TRIB3: variants seen among roughly 807,000 people sequenced by gnomAD.
TRIB3 encodes tribbles homolog 3.
TRIB3 carries 20 observed loss-of-function variants against 16.6 expected under a neutral mutation model. That is an observed-to-expected ratio of 1.20 (90% CI 0.85 to 1.75). The LOEUF is 1.75. TRIB3 is among the 40% of genes most tolerant of loss of function. The pLI is 0.00. For synonymous variants in TRIB3, 208 were observed against 217.0 expected (o/e 0.96, Z 0.36); for missense variants, 484 against 488.9 (o/e 0.99, Z 0.10).
chr20:391,005 A>G (rs75531044), intron 2 of TRIB3, among the ~76,000 whole-genome samples: 3 of 148,874 alleles, frequency 2.0e-5, no homozygotes, highest in Non-Finnish European at 3.0e-5. Context: ...CCGTCTCAAA[A>G]AAAAAAAAAA....
rs2014821287 is a variant in TRIB3 at position 386,716 on chromosome 20, GCC to G, written c.1-1293_1-1292del. 3.3e-5 allele frequency among the ~76,000 whole-genome samples: 5 copies of G among 152,232 alleles called. No individual in the cohort carries two copies. In the South Asian group the frequency reaches 1.0e-3, roughly 32 times the overall value. The stretch of plus-strand genomic sequence containing the variant: ...GCCTCCCAAGTAGCTGGGATTACAG[GCC>G]CACGCCACCACGCCTGGCTAATTTT... On this transcript the variant is annotated intron_variant, in intron 1 of 3. Transcript: ENST00000217233.
chr20:395,965 T>C (rs1197462403), intron 3 of TRIB3, among the ~76,000 whole-genome samples: 1 of 152,216 alleles, frequency 6.6e-6, no homozygotes, highest in Non-Finnish European at 1.5e-5. Flanking sequence ...GAAAAATGTA[T>C]TCCTTTCAGA....
intron 1 of TRIB3, among the ~76,000 whole-genome samples, chr20:384,822 A>C (rs909387749): frequency 6.6e-6 from 1 of 152,182 alleles, no homozygotes; most frequent in Admixed American, 6.6e-5. Context: ...ACATTCCAGC[A>C]TACAGGAAAG....
chr20:385,269 C>T lies in TRIB3; in HGVS notation c.1-2742C>T, dbSNP rs563106581. 3.9e-5 allele frequency among the ~76,000 whole-genome samples: 6 copies of T among 152,198 alleles called. No homozygotes were observed. In the East Asian group the frequency reaches 5.8e-4, roughly 15 times the overall value. Reference sequence around the variant, plus strand: ...CTGGGATTACAGGCGTGTGCCACCACGCCCGGCTAATTTTTGTAGTTTTAG... The same window carrying T: ...CTGGGATTACAGGCGTGTGCCACCATGCCCGGCTAATTTTTGTAGTTTTAG... On this transcript the variant is annotated intron_variant, in intron 1 of 3. Transcript: ENST00000217233.
At chr20:384,779 A>G (rs1298045946) in intron 1 of TRIB3, among the ~76,000 whole-genome samples, 1 of 152,104 alleles carries the variant, frequency 6.6e-6, no homozygotes, top group Non-Finnish European at 1.5e-5. Flanking sequence ...TTCTGAAGCC[A>G]AGGTAGATGC....
rs73602112 is a variant in TRIB3, at chr20:396,061, G to A, written c.585-137G>A. On this transcript the variant is annotated intron_variant, in intron 3 of 3. Coordinates refer to ENST00000217233, the MANE Select transcript of TRIB3 (RefSeq NM_021158.5). ...CTTGGGTATCTGTAAAACAGGATCA[G>A]ACATCACAGGACTGGCTTGTGTCTG... 0.013 allele frequency: 16,453 copies of A among 1,299,710 alleles called. 683 individuals carry two copies. In the East Asian group the frequency reaches 0.13, roughly 10 times the overall value. 80.5% of individuals were successfully genotyped at this position (1,299,710 alleles called of 1,614,324 possible). A position where few individuals can be genotyped will look rare whatever the true frequency, so the allele number is the denominator to read the frequency against.
Position 381,089 on chromosome 20 carries a change from C to T in TRIB3, c.-81C>T, listed in dbSNP as rs2014626546. 6.6e-6 allele frequency: 1 copy of T among 152,188 alleles called. No individual in the cohort carries two copies. The highest frequency in any genetic ancestry group is 6.5e-5 in the Admixed American group (1 of 15,300). The allele number at this position is 152,188 out of a possible 1,614,324, so 9.4% of individuals were successfully genotyped here. On this transcript the variant is annotated 5_prime_UTR_variant, in exon 1 of 4. Transcript: ENST00000217233. Reference sequence around the variant, plus strand: ...TGGGATCCCGAGCTCGGCAGCAGCGCAGCGGGCCGGCCCACCTGCTGGTGC... The same window carrying T: ...TGGGATCCCGAGCTCGGCAGCAGCGTAGCGGGCCGGCCCACCTGCTGGTGC...
intron 1 of TRIB3, chr20:382,471 G>T: frequency 6.8e-7 from 1 of 1,478,164 alleles, no homozygotes; most frequent in South Asian, 1.2e-5. Flanking sequence ...CATCCTGCGT[G>T]ACTCAGAACA....
intron 1 of TRIB3, chr20:385,686 C>T (rs1042522936): frequency 3.3e-5 from 5 of 151,898 alleles, no homozygotes; most frequent in Admixed American, 6.6e-5. Flanking sequence ...ACCACTGAAC[C>T]GCAGTATGAC....
chr20:383,434 CGTT>C (rs2014714889), intron 1 of TRIB3, among the ~76,000 whole-genome samples: 1 of 152,138 alleles, frequency 6.6e-6, no homozygotes, highest in Admixed American at 6.6e-5. Flanking sequence ...CGCTTTTCAT[CGTT>C]GTTTTTGTTT....
intron 1 of TRIB3, among the ~76,000 whole-genome samples, chr20:387,492 C>T (rs923958483): frequency 6.6e-6 from 1 of 150,988 alleles, no homozygotes; most frequent in Non-Finnish European, 1.5e-5. Context: ...ACTTAGGAAG[C>T]TGAGGTGGGA....
In TRIB3 at chr20:382,467, G is replaced by A. The variant is rs139921508; in HGVS notation, c.-1+1298G>A. The A allele has an allele frequency of 1.7e-4, 248 of 1,459,338 alleles. 1 individual carries two copies. In the African/African-American group the frequency reaches 3.0e-3, roughly 18 times the overall value. The allele number at this position is 1,459,338 out of a possible 1,614,324, so 90.4% of individuals were successfully genotyped here. On this transcript the variant is annotated intron_variant, in intron 1 of 3. Coordinates refer to ENST00000217233, the MANE Select transcript of TRIB3 (RefSeq NM_021158.5). ...CATGTGCACAGCCAGGTATCATCCT[G>A]CGTGACTCAGAACAGCCTTGAGATG...
At position 396,208 on chromosome 20, in the gene TRIB3, G is replaced by A; in HGVS notation, c.595G>A (p.Val199Met). 3 of 1,607,680 alleles carry A rather than the reference G, an allele frequency of 1.9e-6. No individual in the cohort carries two copies. Among genetic ancestry groups the A allele is most frequent in the Non-Finnish European group, 8.5e-7 (1 of 1,174,934 alleles). Residue 199 changes from valine (V) to methionine (M), a missense_variant, in exon 4 of 4, where the codon GTG becomes ATG. Coordinates refer to ENST00000217233, the MANE Select transcript of TRIB3 (RefSeq NM_021158.5). ...CTCCCCATGTCCCAGGAAGAAGCTG[G>A]TGCTGGAGAACCTGGAGGACTCCTG... is the stretch of plus-strand genomic sequence containing the variant. ...VFADRERKKL[V>M]LENLEDSCVL...
At position 397,189 on chromosome 20, in the gene TRIB3, G is replaced by A. The variant is rs563707076; in HGVS notation, c.*499G>A. ...TCCAGGCCTCTCCCCTGCAACTCAG[G>A]ACCCAAGCCCAGCTCACTCTGGGAA... On this transcript the variant is annotated 3_prime_UTR_variant, in exon 4 of 4. Transcript: ENST00000217233. The A allele has an allele frequency of 6.4e-6, 1 of 155,204 alleles. No homozygotes were observed. Among genetic ancestry groups the A allele is most frequent in the African/African-American group, 2.4e-5 (1 of 41,580 alleles). The allele number at this position is 155,204 out of a possible 1,614,324, so 9.6% of individuals were successfully genotyped here.
At position 391,560 on chromosome 20, in the gene TRIB3, G is replaced by A; in HGVS notation, c.565G>A (p.Val189Ile). Residue 189 changes from valine (V) to isoleucine (I), a missense_variant, in exon 3 of 4, where the codon GTC becomes ATC. Coordinates refer to ENST00000217233, the MANE Select transcript of TRIB3 (RefSeq NM_021158.5). ...GCGTGATCTCAAGCTGTGTCGCTTT[G>A]TCTTCGCTGACCGTGAGAGGTGAGT... ...VLRDLKLCRF[V>I]FADRERKKLV... 3.7e-6 allele frequency: 6 copies of A among 1,610,364 alleles called. No individual in the cohort carries two copies. The highest frequency in any genetic ancestry group is 5.1e-6 in the Non-Finnish European group (6 of 1,177,942).
intron 1 of TRIB3, chr20:382,651 T>C (rs2014695011): frequency 7.5e-7 from 1 of 1,336,244 alleles, no homozygotes; most frequent in African/African-American, 1.4e-5. Flanking sequence ...CATGCTTCAT[T>C]TGTGTTTTCA....
At chr20:394,610 C>A (rs1330487242) in intron 3 of TRIB3, among the ~76,000 whole-genome samples, 1 of 151,588 alleles carries the variant, frequency 6.6e-6, no homozygotes, top group Non-Finnish European at 1.5e-5. Flanking sequence ...CACAGAAAAC[C>A]CCATCTGTAC....
At chr20:382,318 G>C (rs953117708) in intron 1 of TRIB3, 17 of 551,558 alleles carry the variant, frequency 3.1e-5, no homozygotes, top group Non-Finnish European at 5.6e-5. Context: ...GTCCCCATCT[G>C]GGTGGAGCTT....
chr20:390,998 T>C (rs1260397107), intron 2 of TRIB3, among the ~76,000 whole-genome samples: 1 of 72,670 alleles, frequency 1.4e-5, no homozygotes, highest in Non-Finnish European at 2.3e-5. Context: ...CGAGACTCCG[T>C]CTCAAAAAAA....
Sources: allele counts gnomAD v4.1 joint callset (sites outside exome capture counted in the v4.1 genomes callset), GRCh38; gene constraint gnomAD v4.1.1; transcripts MANE v1.5; gene names NCBI Gene and HGNC (gene_info 2026-07-23, HGNC 2026-07-21).